Variants in SPACA7 observed in about 807,000 individuals in gnomAD.
The protein encoded by SPACA7 is sperm acrosome-associated protein 7.
In SPACA7, 19 loss-of-function variants were observed where a neutral mutation model predicts 26.3. The observed-to-expected ratio is 0.72, with a 90% CI of 0.50 to 1.06. SPACA7 has a LOEUF of 1.06. Among genes scored for constraint, SPACA7 ranks in the 50% least tolerant of loss-of-function variants. The pLI is 0.00. For synonymous variants in SPACA7, 84 were observed against 84.5 expected (o/e 0.99, Z 0.04); for missense variants, 211 against 229.9 (o/e 0.92, Z 0.53).
intron 6 of SPACA7, among the ~76,000 whole-genome samples, chr13:112,433,450 G>A (rs79961275): frequency 0.22 from 29,763 of 137,112 alleles, 707 homozygotes; most frequent in East Asian, 0.27. Flanking sequence ...GAGCTTACCT[G>A]CTAGAGAACA....
At chr13:112,379,970 T>TAAA (rs1883939997) in intron 1 of SPACA7, among the ~76,000 whole-genome samples, 1 of 152,232 alleles carries the variant, frequency 6.6e-6, no homozygotes, top group Admixed American at 6.5e-5. Flanking sequence ...TTAGCTCTTT[T>TAAA]AATATTGAGG....
chr13:112,404,475 A>T (rs1443763571), intron 5 of SPACA7, among the ~76,000 whole-genome samples: 1 of 152,178 alleles, frequency 6.6e-6, no homozygotes, highest in South Asian at 2.1e-4. Context: ...GTTCTTGCTC[A>T]TGAAGTCTTT....
chr13:112,418,289 A>G (rs1886815087), intron 5 of SPACA7, among the ~76,000 whole-genome samples: 1 of 152,226 alleles, frequency 6.6e-6, no homozygotes. Context: ...ACAATCCTCA[A>G]CTGTAATTTT....
intron 5 of SPACA7, among the ~76,000 whole-genome samples, chr13:112,409,140 G>T (rs1048795010): frequency 6.6e-6 from 1 of 152,196 alleles, no homozygotes; most frequent in African/African-American, 2.4e-5. Flanking sequence ...AATAAATGGT[G>T]CTGGGAAAAC....
intron 5 of SPACA7, among the ~76,000 whole-genome samples, chr13:112,406,383 T>C: frequency 6.6e-6 from 1 of 152,214 alleles, no homozygotes. Context: ...TCACTTAGCA[T>C]AATGTCTTCA....
intron 5 of SPACA7, among the ~76,000 whole-genome samples, chr13:112,421,808 A>G (rs1876008847): frequency 6.6e-6 from 1 of 152,210 alleles, no homozygotes; most frequent in South Asian, 2.1e-4. Flanking sequence ...TGTCCTTTGC[A>G]GGGACATGGA....
intron 1 of SPACA7, 121 bp downstream of exon 1, chr13:112,376,600 G>A (rs1883717163): frequency 6.6e-6 from 7 of 1,062,896 alleles, no homozygotes; most frequent in Non-Finnish European, 9.3e-6. Flanking sequence ...TATTCCTTGG[G>A]GAATGAATGT....
chr13:112,412,997 A>G (rs1187005178), intron 5 of SPACA7, among the ~76,000 whole-genome samples: 2 of 152,126 alleles, frequency 1.3e-5, no homozygotes, highest in African/African-American at 2.4e-5. Flanking sequence ...TTCCTCCTGC[A>G]TTTTCACGTT....
At chr13:112,385,838 A>G (rs1171335740) in intron 1 of SPACA7, among the ~76,000 whole-genome samples, 2 of 152,254 alleles carry the variant, frequency 1.3e-5, no homozygotes, top group Non-Finnish European at 2.9e-5. Context: ...GTGCTTTTAT[A>G]TATAAACAAG....
At chr13:112,404,892 C>A (rs1474858607) in intron 5 of SPACA7, among the ~76,000 whole-genome samples, 1 of 151,188 alleles carries the variant, frequency 6.6e-6, no homozygotes, top group Non-Finnish European at 1.5e-5. Context: ...CTTGCTTTGG[C>A]TATGCAAGCT....
intron 5 of SPACA7, among the ~76,000 whole-genome samples, chr13:112,424,260 C>T (rs79583276): frequency 0.032 from 4,873 of 152,318 alleles, 90 homozygotes; most frequent in Middle Eastern, 0.048. Context: ...GGTGATGCTG[C>T]GTTGGGAGCA....
intron 5 of SPACA7, among the ~76,000 whole-genome samples, chr13:112,415,216 G>A (rs1194412225): frequency 1.3e-5 from 2 of 152,096 alleles, no homozygotes; most frequent in African/African-American, 2.4e-5. Context: ...GTTGGAAGAG[G>A]AGTGATACCG....
At chr13:112,407,416 A>G (rs545543314) in intron 5 of SPACA7, among the ~76,000 whole-genome samples, 4 of 152,316 alleles carry the variant, frequency 2.6e-5, no homozygotes, top group Non-Finnish European at 5.9e-5. Context: ...TCAAAAAATC[A>G]GTGAATCCAG....
rs73576787 is a variant in SPACA7 at position 112,389,751 on chromosome 13, G to A, written c.95-3270G>A. On this transcript the variant is annotated intron_variant, in intron 1 of 6. Coordinates refer to ENST00000283550, the MANE Select transcript of SPACA7 (RefSeq NM_145248.5). The stretch of plus-strand genomic sequence containing the variant: ...ATTCTTAAATTTCAGCCATGAGTCC[G>A]GCAACACAGTAACACAAAACTCACT... 3.6e-3 allele frequency among the ~76,000 whole-genome samples: 547 copies of A among 152,210 alleles called. 3 individuals carry two copies. The highest frequency in any genetic ancestry group is 7.9e-3 in the African/African-American group (326 of 41,516).
intron 1 of SPACA7, 42 bp from the exon 2 acceptor site, chr13:112,392,979 C>A: frequency 6.4e-7 from 1 of 1,562,970 alleles, no homozygotes; most frequent in Non-Finnish European, 8.8e-7. Context: ...TATGCAAATT[C>A]AATGAACATT....
Position 112,430,170 on chromosome 13 carries a change from C to CTGTGTGTGTGTG in SPACA7, c.446-2273_446-2272insGTGTGTGTGTGT, listed in dbSNP as rs1437758497. Reference sequence around the variant, plus strand: ...GGCTCAAGGCATCCCTTGCATCTCTCTCTCTGTGTGTGTGTGTGTGTGTGT... The same window carrying CTGTGTGTGTGTG: ...GGCTCAAGGCATCCCTTGCATCTCTCTGTGTGTGTGTGTCTCTGTGTGTGTGTGTGTGTGTGT... On this transcript the variant is annotated intron_variant, in intron 5 of 6. Transcript: ENST00000283550. Among the ~76,000 whole-genome samples the CTGTGTGTGTGTG allele has an allele frequency of 2.5e-3, 290 of 115,110 alleles. 1 individual carries two copies. Among genetic ancestry groups the CTGTGTGTGTGTG allele is most frequent in the African/African-American group, 8.8e-3 (236 of 26,824 alleles). The allele number at this position is 115,110 out of a possible 152,430, so 75.5% of individuals were successfully genotyped here.
intron 5 of SPACA7, among the ~76,000 whole-genome samples, chr13:112,422,578 A>G (rs559949038): frequency 6.6e-6 from 1 of 152,334 alleles, no homozygotes; most frequent in Admixed American, 6.5e-5. Context: ...AATAATTAAA[A>G]TCATGCAAAG....
intron 5 of SPACA7, among the ~76,000 whole-genome samples, chr13:112,429,353 G>A (rs1487410280): frequency 6.7e-6 from 1 of 149,962 alleles, no homozygotes; most frequent in Non-Finnish European, 1.5e-5. Flanking sequence ...TCCAGCCTGG[G>A]TAACAAAGTA....
At chr13:112,395,881 C>A (rs1046686903) in intron 2 of SPACA7, among the ~76,000 whole-genome samples, 1 of 152,212 alleles carries the variant, frequency 6.6e-6, no homozygotes, top group Non-Finnish European at 1.5e-5. Context: ...AGCTTCCTAA[C>A]CTTGTTCCAC....
Sources: gnomAD v4.1 joint callset for allele counts (sites outside exome capture counted in the v4.1 genomes callset) on GRCh38, gnomAD v4.1.1 for gene constraint, MANE v1.5 for transcripts, NCBI Gene and HGNC (gene_info 2026-07-23, HGNC 2026-07-21) for gene names.